The following OCA2 variants were observed in gnomAD, a reference collection of about 807,000 sequenced individuals.
OCA2 encodes the protein OCA2 melanosomal transmembrane protein, also known as P protein.
A neutral mutation model predicts 100.2 loss-of-function variants in OCA2; 77 were observed. The observed-to-expected ratio is 0.77, with a 90% CI of 0.64 to 0.93. The LOEUF (loss-of-function observed/expected upper bound fraction) is 0.93. Ranked by LOEUF, OCA2 falls within the 40% of genes least tolerant of loss-of-function variation. The probability of loss-of-function intolerance (pLI) is 0.00; values close to 1 mark genes in which losing one functional copy is unlikely to be tolerated. For missense variants in OCA2, 1,062 were observed against 1,089.1 expected, an observed-to-expected ratio of 0.98 and a Z score of 0.35; for synonymous variants, 432 against 439.2, an observed-to-expected ratio of 0.98 and a Z score of 0.21.
At chr15:28,055,694 G>A (rs1184306895) in intron 2 of OCA2, among the ~76,000 whole-genome samples, 1 of 152,212 alleles carries the variant, frequency 6.6e-6, no homozygotes, top group Middle Eastern at 3.2e-3. Context: ...CCAGCGGGGA[G>A]CCAAGCCCAC....
intron 23 of OCA2, among the ~76,000 whole-genome samples, chr15:27,770,242 G>A (rs961314606): frequency 3.3e-5 from 5 of 152,210 alleles, no homozygotes; most frequent in Non-Finnish European, 7.3e-5. Flanking sequence ...CAGGGCGGGG[G>A]CTCCGCGGGG....
At chr15:28,060,157 C>T (rs1447268595) in intron 2 of OCA2, among the ~76,000 whole-genome samples, 1 of 152,180 alleles carries the variant, frequency 6.6e-6, no homozygotes, top group African/African-American at 2.4e-5. Context: ...GGTGCCGGCC[C>T]CGCACTGAGG....
intron 21 of OCA2, among the ~76,000 whole-genome samples, 153 bp from the exon 22 acceptor site, chr15:27,851,628 C>T (rs975997650): frequency 1.3e-5 from 2 of 152,238 alleles, no homozygotes; most frequent in Non-Finnish European, 2.9e-5. Flanking sequence ...ACTTTGGAAT[C>T]CACAGAAACT....
intron 19 of OCA2, among the ~76,000 whole-genome samples, chr15:27,901,239 G>A (rs1331782355): frequency 6.6e-6 from 1 of 152,242 alleles, no homozygotes; most frequent in Non-Finnish European, 1.5e-5. Context: ...ACAGGCACAA[G>A]TGGAGGACTG....
chr15:27,772,906 G>A (rs1420577829), intron 23 of OCA2, among the ~76,000 whole-genome samples: 1 of 151,600 alleles, frequency 6.6e-6, no homozygotes, highest in East Asian at 1.9e-4. Flanking sequence ...AATGCTCAGA[G>A]ACAGATAGTG....
intron 18 of OCA2, among the ~76,000 whole-genome samples, chr15:27,943,584 T>G (rs992952776): frequency 6.7e-6 from 1 of 150,158 alleles, no homozygotes; most frequent in South Asian, 2.1e-4. Flanking sequence ...TTCATCTGCA[T>G]GATAAAAACC....
chr15:27,814,935 GATAGATAGAT>G (rs1566985838), intron 23 of OCA2, among the ~76,000 whole-genome samples: 5,511 of 145,162 alleles, frequency 0.038, 163 homozygotes, highest in Non-Finnish European at 0.047. Flanking sequence ...TAGATAGATA[GATAGATAGAT>G]ACAGAGATAT....
At chr15:27,720,425 C>T in the OCA2 span, among the ~76,000 whole-genome samples, 6 of 149,428 alleles carry the variant, frequency 4.0e-5, no homozygotes, top group Non-Finnish European at 7.4e-5. Context: ...TTATTTTTTG[C>T]TCAGCCTAGT....
rs141425327 is a variant in OCA2, at chr15:27,940,210, A to G, written c.1951+11574T>C. Among the ~76,000 whole-genome samples, 25 of 152,362 alleles carry G rather than the reference A, an allele frequency of 1.6e-4. No individual in the cohort carries two copies. The East Asian group carries it at 4.8e-3, about 29-fold the overall frequency. On this transcript the variant is annotated intron_variant, in intron 18 of 23. Coordinates refer to ENST00000354638, the MANE Select transcript of OCA2 (RefSeq NM_000275.3). ...ACTATGTAATATTCTAAAGTACCAG[A>G]TAAAACATCATATCATGTAAAACCC...
intron 19 of OCA2, among the ~76,000 whole-genome samples, chr15:27,876,453 T>C (rs2036795678): frequency 6.6e-6 from 1 of 152,046 alleles, no homozygotes; most frequent in South Asian, 2.1e-4. Flanking sequence ...ATACTAGACC[T>C]ACAAAATAAG....
intron 23 of OCA2, among the ~76,000 whole-genome samples, chr15:27,758,985 C>T (rs1002717885): frequency 1.3e-5 from 2 of 151,996 alleles, no homozygotes; most frequent in Non-Finnish European, 2.9e-5. Flanking sequence ...AGGCTAGGCA[C>T]CCCCCAAAAT....
chr15:27,867,422 T>C (rs2036367754), intron 21 of OCA2, among the ~76,000 whole-genome samples: 2 of 152,212 alleles, frequency 1.3e-5, no homozygotes, highest in African/African-American at 4.8e-5. Flanking sequence ...TCTTAAAAGA[T>C]AATCTGCTTT....
chr15:27,741,568 G>A, the OCA2 span, among the ~76,000 whole-genome samples: 1 of 152,198 alleles, frequency 6.6e-6, no homozygotes, highest in Non-Finnish European at 1.5e-5. Flanking sequence ...TCAAGTTACT[G>A]AATGTTTTGT....
intron 15 of OCA2, among the ~76,000 whole-genome samples, chr15:27,966,328 G>C (rs2040565739): frequency 6.6e-6 from 1 of 152,162 alleles, no homozygotes; most frequent in South Asian, 2.1e-4. Context: ...GGGTTATGTT[G>C]CTGTTATTTC....
chr15:28,041,807 TAGA>T (rs1460362478), intron 2 of OCA2, among the ~76,000 whole-genome samples: 5 of 151,916 alleles, frequency 3.3e-5, no homozygotes, highest in Non-Finnish European at 7.4e-5. Context: ...TGAAGAAAAA[TAGA>T]AGAATACACA....
At chr15:27,864,408 TA>T (rs1469423619) in intron 21 of OCA2, among the ~76,000 whole-genome samples, 21 of 152,178 alleles carry the variant, frequency 1.4e-4, no homozygotes, top group Non-Finnish European at 2.5e-4. Flanking sequence ...CAGGAGGAGT[TA>T]AAACAAAAAT....
At chr15:28,094,064 C>T (rs979464445) in intron 1 of OCA2, among the ~76,000 whole-genome samples, 1 of 152,180 alleles carries the variant, frequency 6.6e-6, no homozygotes, top group African/African-American at 2.4e-5. Context: ...TCCTCCTAGT[C>T]CCACCTGGTC....
intron 23 of OCA2, among the ~76,000 whole-genome samples, chr15:27,795,074 C>T (rs758957885): frequency 5.9e-5 from 9 of 152,128 alleles, no homozygotes; most frequent in Non-Finnish European, 1.2e-4. Flanking sequence ...GGCTTACGTT[C>T]GTTCCATTCC....
At position 28,043,072 on chromosome 15, in the gene OCA2, TA is replaced by T. The variant is rs1435526972; in HGVS notation, c.228-10910del. Among the ~76,000 whole-genome samples, 1 of 152,206 alleles carries T rather than the reference TA, an allele frequency of 6.6e-6. No homozygotes were observed. The highest frequency in any genetic ancestry group is 1.5e-5 in the Non-Finnish European group (1 of 68,034). ...CAGTTAACACAAGAAATATTGAATA[TA>T]AATGGATATTAATAATTGGCAAAAA... is the stretch of plus-strand genomic sequence containing the variant. On this transcript the variant is annotated intron_variant, in intron 2 of 23. Coordinates refer to ENST00000354638, the MANE Select transcript of OCA2 (RefSeq NM_000275.3). This position sits in a 1 kb window ranked among gnomAD's most constrained non-coding sequence, Gnocchi z 4.4.
Sources: gnomAD v4.1 joint callset for allele counts (sites outside exome capture counted in the v4.1 genomes callset) on GRCh38, gnomAD v4.1.1 for gene constraint, Gnocchi (gnomAD v3.1) non-coding constraint, MANE v1.5 for transcripts, NCBI Gene and HGNC (gene_info 2026-07-23, HGNC 2026-07-21) for gene names.